LRRTM4: variants seen among roughly 807,000 people sequenced by gnomAD.
LRRTM4 encodes leucine-rich repeat transmembrane neuronal protein 4.
Under a neutral mutation model 47.6 loss-of-function variants are expected in LRRTM4, and 25 were observed. The ratio of observed to expected loss-of-function variants is 0.53; its 90% CI spans 0.38 to 0.73. The LOEUF is 0.73. Ranked by LOEUF, LRRTM4 falls within the 30% of genes least tolerant of loss-of-function variation. The pLI is 0.00. For synonymous variants in LRRTM4, 311 were observed against 269.5 expected (o/e 1.15, Z -1.51); for missense variants, 638 against 713.4 (o/e 0.89, Z 1.20).
At chr2:77,174,986 AG>A (rs1673152546) in intron 3 of LRRTM4, among the ~76,000 whole-genome samples, 1 of 152,168 alleles carries the variant, frequency 6.6e-6, no homozygotes, top group African/African-American at 2.4e-5. Flanking sequence ...TATGTGGAAC[AG>A]ACGTGAATGT....
chr2:77,184,100 A>C (rs1189310524), intron 3 of LRRTM4, among the ~76,000 whole-genome samples: 2 of 152,252 alleles, frequency 1.3e-5, no homozygotes, highest in East Asian at 1.9e-4. Context: ...AGATAATAAT[A>C]AAAGTACATG....
At chr2:76,914,950 A>G (rs1037565356) in intron 3 of LRRTM4, among the ~76,000 whole-genome samples, 1 of 152,244 alleles carries the variant, frequency 6.6e-6, no homozygotes, top group South Asian at 2.1e-4. Context: ...TTAAAATTAA[A>G]TGGTACTCCT....
intron 3 of LRRTM4, among the ~76,000 whole-genome samples, chr2:76,843,507 C>T (rs1001327576): frequency 1.3e-5 from 2 of 152,144 alleles, no homozygotes; most frequent in Non-Finnish European, 2.9e-5. Context: ...GCCTAAATCC[C>T]AGTTCTCATT....
chr2:77,103,891 T>G (rs2103917329), intron 3 of LRRTM4, among the ~76,000 whole-genome samples: 1 of 152,138 alleles, frequency 6.6e-6, no homozygotes, highest in African/African-American at 2.4e-5. Flanking sequence ...TCCTAGAATT[T>G]AAATAAAAAG....
chr2:76,873,048 C>T (rs1004211161), intron 3 of LRRTM4, among the ~76,000 whole-genome samples: 2 of 152,102 alleles, frequency 1.3e-5, no homozygotes, highest in Admixed American at 6.6e-5. Flanking sequence ...AAACCTCTTA[C>T]CTTTATAAAT....
intron 3 of LRRTM4, among the ~76,000 whole-genome samples, chr2:77,331,043 A>C (rs1670953846): frequency 6.6e-6 from 1 of 152,126 alleles, no homozygotes; most frequent in Admixed American, 6.6e-5. Context: ...CCATTTCCAA[A>C]AATGGTTTAT....
chr2:76,814,117 T>C (rs1268296020), intron 3 of LRRTM4, among the ~76,000 whole-genome samples: 1 of 152,122 alleles, frequency 6.6e-6, no homozygotes, highest in Non-Finnish European at 1.5e-5. Flanking sequence ...GGATTTTTCT[T>C]ATCTTGTTCT....
At position 77,072,921 on chromosome 2, in the gene LRRTM4, G is replaced by A. The variant is rs190138182; in HGVS notation, c.1552-324005C>T. On this transcript the variant is annotated intron_variant, in intron 3 of 3. Transcript: ENST00000409884. The stretch of plus-strand genomic sequence containing the variant: ...ACCATAGAAGACTTTGGAAGATGAT[G>A]GTTTGTTAAGACAGAAGAAGCATAA... Among the ~76,000 whole-genome samples, 406 of 152,000 alleles carry A rather than the reference G, an allele frequency of 2.7e-3. 6 individuals carry two copies. The highest frequency in any genetic ancestry group is 8.5e-3 in the African/African-American group (352 of 41,460).
intron 3 of LRRTM4, among the ~76,000 whole-genome samples, chr2:77,081,645 G>A (rs748590737): frequency 6.6e-6 from 1 of 152,060 alleles, no homozygotes; most frequent in Non-Finnish European, 1.5e-5. Context: ...TGTCAAGTTT[G>A]GGGTTCTATA....
At chr2:76,954,938 C>A (rs929183246) in intron 3 of LRRTM4, among the ~76,000 whole-genome samples, 3 of 151,286 alleles carry the variant, frequency 2.0e-5, no homozygotes, top group Non-Finnish European at 4.4e-5. Flanking sequence ...AAAAACAAAA[C>A]AAAAAAACCG....
At chr2:77,503,733 G>T (rs1007485762) in intron 3 of LRRTM4, among the ~76,000 whole-genome samples, 1 of 151,458 alleles carries the variant, frequency 6.6e-6, no homozygotes, top group Non-Finnish European at 1.5e-5. Context: ...AGCTTACAAA[G>T]ATATGGAAAA....
intron 3 of LRRTM4, among the ~76,000 whole-genome samples, chr2:77,258,385 T>C (rs1232405994): frequency 6.6e-6 from 1 of 152,124 alleles, no homozygotes; most frequent in African/African-American, 2.4e-5. Context: ...GTGTTTTGTA[T>C]TGGTGGTTTC....
intron 3 of LRRTM4, among the ~76,000 whole-genome samples, chr2:77,067,957 T>C (rs1167367160): frequency 3.9e-5 from 6 of 152,096 alleles, no homozygotes; most frequent in South Asian, 4.1e-4. Flanking sequence ...ATAAAATAAA[T>C]TGAAAGTAAA....
intron 3 of LRRTM4, among the ~76,000 whole-genome samples, chr2:76,773,585 T>A (rs947208308): frequency 1.3e-5 from 2 of 151,794 alleles, no homozygotes; most frequent in African/African-American, 4.8e-5. Flanking sequence ...TAATTTTAGA[T>A]AAAGTGATTC....
At chr2:76,844,547 T>G (rs894656439) in intron 3 of LRRTM4, among the ~76,000 whole-genome samples, 1 of 152,170 alleles carries the variant, frequency 6.6e-6, no homozygotes, top group Non-Finnish European at 1.5e-5. Context: ...AAAAGTTAAA[T>G]GAAACTATTT....
Position 76,890,768 on chromosome 2 carries a change from G to A in LRRTM4, c.1552-141852C>T, listed in dbSNP as rs1264022156. Among the ~76,000 whole-genome samples the A allele has an allele frequency of 1.3e-5, 2 of 151,986 alleles. 1 individual carries two copies. Among genetic ancestry groups the A allele is most frequent in the South Asian group, 4.1e-4 (2 of 4,834 alleles). ...ACACCCAAAACATAATAGGTGGAAAGAGAATGCTACAAAGTTTAATTCATA... is the reference window on the plus strand; with the variant it reads ...ACACCCAAAACATAATAGGTGGAAAAAGAATGCTACAAAGTTTAATTCATA... On this transcript the variant is annotated intron_variant, in intron 3 of 3. Transcript: ENST00000409884.
chr2:77,126,459 G>C (rs940241820), intron 3 of LRRTM4, among the ~76,000 whole-genome samples: 1 of 152,090 alleles, frequency 6.6e-6, no homozygotes, highest in East Asian at 1.9e-4. Flanking sequence ...TTTGCCTCTA[G>C]TGTGATATAT....
chr2:77,495,397 C>CT (rs1678322933), intron 3 of LRRTM4, among the ~76,000 whole-genome samples: 1 of 146,636 alleles, frequency 6.8e-6, no homozygotes, highest in African/African-American at 2.7e-5. Flanking sequence ...GAAGTTTTAA[C>CT]TTTAAGTCCA....
intron 3 of LRRTM4, among the ~76,000 whole-genome samples, chr2:77,400,186 C>T (rs1673889028): frequency 6.6e-6 from 1 of 151,814 alleles, no homozygotes; most frequent in South Asian, 2.1e-4. Context: ...GAAATGCTTT[C>T]TTGACTTGGT....
Sources: allele counts gnomAD v4.1 joint callset (sites outside exome capture counted in the v4.1 genomes callset), GRCh38; gene constraint gnomAD v4.1.1; transcripts MANE v1.5; gene names NCBI Gene and HGNC (gene_info 2026-07-23, HGNC 2026-07-21).